Variants in MACF1 observed in about 807,000 individuals in gnomAD.
The protein encoded by MACF1 is microtubule-actin cross-linking factor 1.
A neutral mutation model predicts 854.8 loss-of-function variants in MACF1; 193 were observed. The observed-to-expected ratio is 0.23, with a 90% CI of 0.20 to 0.25. The LOEUF (loss-of-function observed/expected upper bound fraction) is 0.25. Ranked by LOEUF, MACF1 falls within the 10% of genes least tolerant of loss-of-function variation. The pLI is 1.00. For synonymous variants in MACF1, 3,185 were observed against 3,226.7 expected (o/e 0.99, Z 0.44); for missense variants, 7,722 against 8,929.1 (o/e 0.86, Z 5.45).
At chr1:39,284,551 C>T (rs1362019633) in intron 11 of MACF1, 123 bp downstream of exon 11, 2 of 517,110 alleles carry the variant, frequency 3.9e-6, no homozygotes, top group Admixed American at 7.5e-5. Context: ...CTCCTGGTGA[C>T]AAATAATAGC....
In MACF1 at chr1:39,310,979, A is replaced by C. The variant is rs199899784; in HGVS notation, c.3249A>C (p.Ala1083=). 168 of 1,613,478 alleles carry C rather than the reference A, an allele frequency of 1.0e-4. No homozygotes were observed. Among genetic ancestry groups the C allele is most frequent in the Non-Finnish European group, 1.4e-4 (165 of 1,179,836 alleles). The change falls in exon 26 of 101, where the codon GCA becomes GCC. Residue 1083 remains alanine (A), a synonymous_variant. Transcript: ENST00000564288. ...ACAGAGATGCCTGGCAGGACAATGC[A>C]TTAAGGATTGCAGAGCAAGAGGTAA... ...RTDRDAWQDN[A]LRIAEQEHTQ...
chr1:39,211,412 AT>A (rs1237158497), intron 1 of MACF1, among the ~76,000 whole-genome samples: 1 of 151,986 alleles, frequency 6.6e-6, no homozygotes, highest in Non-Finnish European at 1.5e-5. Flanking sequence ...AATTGTCCTT[AT>A]TTTTTAATTT....
chr1:39,199,595 T>C (rs977258055), intron 2 of MACF1, among the ~76,000 whole-genome samples: 7 of 152,216 alleles, frequency 4.6e-5, no homozygotes, highest in African/African-American at 1.7e-4. Flanking sequence ...AATGGGGTAA[T>C]AATATATAGT....
In MACF1 at chr1:39,331,938, C is replaced by T. The variant is rs769986963; in HGVS notation, c.5350C>T (p.Leu1784Phe). Residue 1784 changes from leucine (L) to phenylalanine (F), a missense_variant, in exon 37 of 101, where the codon CTT becomes TTT. Leu to Phe is a conservative substitution (Grantham distance 22). Around this residue, in one of 15 missense-constraint regions of MACF1, gnomAD observed 1,531 missense variants for 1,601.6 expected, o/e 0.96. Coordinates refer to ENST00000564288, the MANE Select transcript of MACF1 (RefSeq NM_001394062.1). ...GIVDPRTGHR[L>F]TVEEAVRHNL... ...AGTAGATCCAAGAACAGGACACAGA[C>T]TTACAGTGGAAGAGGCTGTAAGACA... The T allele has an allele frequency of 6.2e-7, 1 of 1,614,138 alleles. No individual in the cohort carries two copies. The highest frequency in any genetic ancestry group is 8.5e-7 in the Non-Finnish European group (1 of 1,180,032).
chr1:39,134,189 C>T (rs1299400453), intron 2 of MACF1, among the ~76,000 whole-genome samples: 20 of 147,316 alleles, frequency 1.4e-4, no homozygotes, highest in Non-Finnish European at 2.5e-4. Flanking sequence ...TACAGGCGCC[C>T]GCCACCACGC....
chr1:39,182,683 A>G (rs1218676381), intron 2 of MACF1, among the ~76,000 whole-genome samples: 2 of 152,184 alleles, frequency 1.3e-5, no homozygotes, highest in African/African-American at 4.8e-5. Context: ...TACCCACTAG[A>G]ATGGCTTTAA....
intron 56 of MACF1, among the ~76,000 whole-genome samples, chr1:39,382,573 A>T (rs944851683): frequency 6.6e-6 from 1 of 151,816 alleles, no homozygotes; most frequent in African/African-American, 2.4e-5. Flanking sequence ...GCGTGGTGGC[A>T]TGTGCCTGAA....
chr1:39,410,417 G>A (rs376735325), intron 58 of MACF1: 2 of 1,613,930 alleles, frequency 1.2e-6, no homozygotes, highest in Non-Finnish European at 1.7e-6. Context: ...ATTGACCAGG[G>A]GTCAAAGCTT....
At chr1:39,197,183 A>C (rs1176365576) in intron 2 of MACF1, among the ~76,000 whole-genome samples, 1 of 152,064 alleles carries the variant, frequency 6.6e-6, no homozygotes, top group Non-Finnish European at 1.5e-5. Flanking sequence ...TCATGAAAGC[A>C]GTTCCCCTCT....
At chr1:39,330,060 T>C (rs899380589) in intron 36 of MACF1, among the ~76,000 whole-genome samples, 3 of 152,204 alleles carry the variant, frequency 2.0e-5, no homozygotes, top group Non-Finnish European at 2.9e-5. Context: ...AAACAATTGT[T>C]TTCATAGGAT....
intron 2 of MACF1, among the ~76,000 whole-genome samples, chr1:39,132,134 TGGGGGTA>T (rs1643020530): frequency 1.3e-5 from 2 of 152,140 alleles, no homozygotes; most frequent in Admixed American, 6.5e-5. Flanking sequence ...AGAATTAGAT[TGGGGGTA>T]GAGAAAGGAA....
In MACF1 at chr1:39,186,204, C is replaced by G. The variant is rs56370088; in HGVS notation, c.221-44978C>G. On this transcript the variant is annotated intron_variant, in intron 2 of 93. Coordinates refer to the MACF1 transcript ENST00000361689. ...TCTCTCTCTCTCTCTCTCTCTCTCT[C>G]TCTCTCTCTCTGTGTGTGTGTGTGT... 2.7e-3 allele frequency among the ~76,000 whole-genome samples: 176 copies of G among 64,648 alleles called. 8 individuals carry two copies. Among genetic ancestry groups the G allele is most frequent in the Admixed American group, 1.9e-3 (11 of 5,818 alleles). The allele number at this position is 64,648 out of a possible 152,430, so 42.4% of individuals were successfully genotyped here.
intron 15 of MACF1, among the ~76,000 whole-genome samples, chr1:39,290,421 T>G (rs1645750978): frequency 6.6e-6 from 1 of 152,190 alleles, no homozygotes; most frequent in African/African-American, 2.4e-5. Flanking sequence ...ACTATGCTAT[T>G]TGGTTACTAT....
chr1:39,359,167 C>T lies in MACF1; in HGVS notation c.12147C>T (p.His4049=). 6.2e-6 allele frequency: 10 copies of T among 1,613,870 alleles called. No individual in the cohort carries two copies. Among genetic ancestry groups the T allele is most frequent in the Non-Finnish European group, 8.5e-6 (10 of 1,179,976 alleles). ...AGTTGCAGGAGGAATTGGCTGAGCA[C>T]CAAGTACCTGTGGAAAAACTCCAAA... ...TKQLQEELAE[H]QVPVEKLQKV... Residue 4049 remains histidine (H), a synonymous_variant, in exon 47 of 101, where the codon CAC becomes CAT. Coordinates refer to ENST00000564288, the MANE Select transcript of MACF1 (RefSeq NM_001394062.1).
upstream of MACF1, among the ~76,000 whole-genome samples, chr1:39,202,601 C>T (rs1477118116): frequency 6.6e-6 from 1 of 151,714 alleles, no homozygotes; most frequent in Non-Finnish European, 1.5e-5. Context: ...TGCCACTGCA[C>T]TCCAGCCTGG....
At chr1:39,367,586 A>G (rs1273228619) in intron 49 of MACF1, among the ~76,000 whole-genome samples, 6 of 152,186 alleles carry the variant, frequency 3.9e-5, no homozygotes, top group Non-Finnish European at 8.8e-5. Flanking sequence ...AGAGTAGTTT[A>G]GTAGCTTAAG....
chr1:39,221,694 C>A, intron 1 of MACF1, among the ~76,000 whole-genome samples: 1 of 152,208 alleles, frequency 6.6e-6, no homozygotes, highest in Admixed American at 6.5e-5. Context: ...GCTATTGTTT[C>A]TACCTCTACA....
chr1:39,409,082 CA>C lies in MACF1; in HGVS notation c.15817-13291del, dbSNP rs1557636492. Among the ~76,000 whole-genome samples, 1 of 151,830 alleles carries C rather than the reference CA, an allele frequency of 6.6e-6. No individual in the cohort carries two copies. The highest frequency in any genetic ancestry group is 2.4e-5 in the African/African-American group (1 of 41,336). ...GAGCCGCCCGCCAGCCGAGCACTTC[CA>C]GCGAGCTAGCGAGCTAGCGGGTCGC... On this transcript the variant is annotated intron_variant, in intron 58 of 100. Coordinates refer to ENST00000564288, the MANE Select transcript of MACF1 (RefSeq NM_001394062.1). The surrounding 1 kb of genome is among the most constrained non-coding windows in gnomAD (Gnocchi z 4.2).
chr1:39,089,894 G>A (rs1012036493), intron 2 of MACF1, among the ~76,000 whole-genome samples: 1 of 152,178 alleles, frequency 6.6e-6, no homozygotes, highest in Non-Finnish European at 1.5e-5. Flanking sequence ...AGAATGTGCT[G>A]GAAAAACACA....
Sources: gnomAD v4.1 joint callset for allele counts (sites outside exome capture counted in the v4.1 genomes callset) on GRCh38, gnomAD v4.1.1 for gene constraint, gnomAD v4.1.1 regional missense constraint, Gnocchi (gnomAD v3.1) non-coding constraint, MANE v1.5 for transcripts, NCBI Gene and HGNC (gene_info 2026-07-23, HGNC 2026-07-21) for gene names.